The following TPR variants were observed in gnomAD, a reference collection of about 807,000 sequenced individuals.
TPR encodes the protein nucleoprotein TPR.
Under a neutral mutation model 316.1 loss-of-function variants are expected in TPR, and 51 were observed. The ratio of observed to expected loss-of-function variants is 0.16; its 90% CI spans 0.13 to 0.20. The LOEUF is 0.20. Ranked by LOEUF, TPR falls within the 10% of genes least tolerant of loss-of-function variation. The pLI is 1.00. For synonymous variants in TPR, 981 were observed against 914.7 expected (o/e 1.07, Z -1.31); for missense variants, 2,272 against 2,754.8 (o/e 0.82, Z 3.92).
In TPR at chr1:186,341,064, T is replaced by C; in HGVS notation, c.3984A>G (p.Leu1328=). The C allele has an allele frequency of 6.2e-7, 1 of 1,614,144 alleles. No homozygotes were observed. The part of the protein sequence containing the change: ...SGMLQAEKKL[L]EEDVKRWKAR... ...CTTTCCAACGTTTGACATCCTCTTC[T>C]AAGAGCTTCTTCTCTGCCTGCAACA... The change falls in exon 29 of 51, where the codon TTA becomes TTG. Residue 1328 remains leucine, a synonymous_variant. Coordinates refer to ENST00000367478, the MANE Select transcript of TPR (RefSeq NM_003292.3).
In TPR at chr1:186,341,329, C is replaced by T. The variant is rs1358704314; in HGVS notation, c.3811G>A (p.Val1271Ile). ...ELMKKTETMN[V>I]VMETNKMLRE... is the part of the protein sequence containing the mutation. ...AGCATTTTATTGGTCTCCATAACTA[C>T]ATTCATTGTTTCAGTTTTCTTCATC... The change falls in exon 28 of 51, where the codon GTA (valine) becomes ATA (isoleucine). Residue 1271 changes from valine (V) to isoleucine (I), a missense_variant. Val to Ile is a conservative substitution (Grantham distance 29, BLOSUM62 3). Transcript: ENST00000367478. 3.1e-6 allele frequency: 5 copies of T among 1,613,784 alleles called. No individual in the cohort carries two copies. Among genetic ancestry groups the T allele is most frequent in the Admixed American group, 1.7e-5 (1 of 60,002 alleles).
At chr1:186,351,893 C>A in intron 19 of TPR, 83 bp downstream of exon 19, 1 of 1,468,618 alleles carries the variant, frequency 6.8e-7, no homozygotes, top group South Asian at 1.3e-5. Flanking sequence ...GATAAATTTT[C>A]TAATTAAGGA....
chr1:186,363,685 G>C (rs1469520696), intron 4 of TPR, among the ~76,000 whole-genome samples: 1 of 151,860 alleles, frequency 6.6e-6, no homozygotes, highest in East Asian at 1.9e-4. Flanking sequence ...ACCAATCCAG[G>C]CAGCCCAGAA....
chr1:186,314,345 G>C, intron 50 of TPR: 1 of 380,742 alleles, frequency 2.6e-6, no homozygotes, highest in Non-Finnish European at 4.7e-6. Context: ...TACAACAAAT[G>C]AATATAACAC....
chr1:186,337,817 T>A (rs577660539), intron 31 of TPR, among the ~76,000 whole-genome samples: 1 of 152,046 alleles, frequency 6.6e-6, no homozygotes, highest in Non-Finnish European at 1.5e-5. Flanking sequence ...TGGAGAGTAT[T>A]TGAAAGGTGA....
intron 45 of TPR, among the ~76,000 whole-genome samples, chr1:186,321,851 A>G (rs181647260): frequency 1.7e-4 from 26 of 152,314 alleles, no homozygotes; most frequent in Admixed American, 1.4e-3. Flanking sequence ...ACACTTAATC[A>G]ACAACTATAA....
Position 186,362,017 on chromosome 1 carries a change from T to A in TPR, c.790-148A>T, listed in dbSNP as rs866667142. The A allele has an allele frequency of 6.3e-5, 45 of 710,298 alleles. No homozygotes were observed. The South Asian group carries it at 1.0e-3, about 17-fold the overall frequency. The allele number at this position is 710,298 out of a possible 1,614,324, so 44.0% of individuals were successfully genotyped here. On this transcript the variant is annotated intron_variant, in intron 7 of 50. Coordinates refer to ENST00000367478, the MANE Select transcript of TPR (RefSeq NM_003292.3). ...AATCAGTCTTCATGACAAAGATAAA[T>A]TAAGGATAAAATATTACTAATATTT... is the stretch of plus-strand genomic sequence containing the variant.
At chr1:186,364,126 C>T (rs1659268260) in intron 4 of TPR, among the ~76,000 whole-genome samples, 1 of 152,022 alleles carries the variant, frequency 6.6e-6, no homozygotes, top group African/African-American at 2.4e-5. Context: ...AGTGCAATAC[C>T]ATAAAACTTG....
At position 186,345,547 on chromosome 1, in the gene TPR, G is replaced by A. The variant is rs150731166; in HGVS notation, c.3213+33C>T. 115 of 1,474,678 alleles carry A rather than the reference G, an allele frequency of 7.8e-5. No individual in the cohort carries two copies. In the African/African-American group the frequency reaches 1.3e-3, roughly 17 times the overall value. 91.3% of individuals were successfully genotyped at this position (1,474,678 alleles called of 1,614,324 possible). A position where few individuals can be genotyped will look rare whatever the true frequency, so the allele number is the denominator to read the frequency against. On this transcript the variant is annotated intron_variant, in intron 24 of 50. Coordinates refer to ENST00000367478, the MANE Select transcript of TPR (RefSeq NM_003292.3). ...ACTTCAAGAATCATTCTCTAGGATC[G>A]AAGCTCATTTCTCAATAATTGGCTA...
At chr1:186,339,975 A>G (rs997391822) in intron 29 of TPR, among the ~76,000 whole-genome samples, 2 of 152,230 alleles carry the variant, frequency 1.3e-5, no homozygotes, top group Non-Finnish European at 2.9e-5. Flanking sequence ...GAGGAAAAAA[A>G]AATAAAATGT....
At position 186,347,410 on chromosome 1, in the gene TPR, C is replaced by A; in HGVS notation, c.2825G>T (p.Arg942Ile). 6.8e-6 allele frequency: 11 copies of A among 1,613,972 alleles called. No homozygotes were observed. The highest frequency in any genetic ancestry group is 8.5e-6 in the Non-Finnish European group (10 of 1,179,962). ...GTCATTCACCTGCTCTTCTGTCTGT[C>A]TTAGCTGACTCACAAGATCATCCAC... ...EDVDDLVSQL[R>I]QTEEQVNDLK... is the part of the protein sequence containing the mutation. The change falls in exon 22 of 51, where the codon AGA becomes ATA. Residue 942 changes from arginine to isoleucine, a missense_variant. By Grantham distance (97) the Arg-to-Ile change is moderately conservative. Transcript: ENST00000367478.
intron 22 of TPR, 38 bp downstream of exon 22, chr1:186,347,254 G>A: frequency 1.2e-6 from 2 of 1,603,022 alleles, no homozygotes; most frequent in Non-Finnish European, 1.7e-6. Context: ...GTTAACAAAT[G>A]TGTTGAGATT....
In TPR at chr1:186,312,313, C is replaced by T. The variant is rs1476098760; in HGVS notation, c.*1658G>A. 1 of 1,612,274 alleles carries T rather than the reference C, an allele frequency of 6.2e-7. No individual in the cohort carries two copies. Among genetic ancestry groups the T allele is most frequent in the South Asian group, 1.1e-5 (1 of 90,638 alleles). ...CGCTTTGAACGTGCTATAGGACCTTCTCAAACACACACCATCAGAATTCAA... is the reference window on the plus strand; with the variant it reads ...CGCTTTGAACGTGCTATAGGACCTTTTCAAACACACACCATCAGAATTCAA... On this transcript the variant is annotated 3_prime_UTR_variant, in exon 51 of 51. Transcript: ENST00000367478.
Position 186,344,575 on chromosome 1 carries a change from T to C in TPR, c.3217A>G (p.Lys1073Glu). Residue 1073 changes from lysine (K) to glutamate (E), a missense_variant, in exon 25 of 51, where the codon AAA becomes GAA. Coordinates refer to ENST00000367478, the MANE Select transcript of TPR (RefSeq NM_003292.3). Reference protein sequence around the residue: ...QARRDCQEQAKIAVEAQNKYE... With the variant: ...QARRDCQEQAEIAVEAQNKYE... Reference sequence around the variant, plus strand: ...TTATTCTGAGCTTCCACAGCTATTTTAGCCTATAAGAAATTATTACCCAAT... The same window carrying C: ...TTATTCTGAGCTTCCACAGCTATTTCAGCCTATAAGAAATTATTACCCAAT... 1 of 1,527,706 alleles carries C rather than the reference T, an allele frequency of 6.5e-7. No individual in the cohort carries two copies. The highest frequency in any genetic ancestry group is 8.8e-7 in the Non-Finnish European group (1 of 1,140,414). The allele number at this position is 1,527,706 out of a possible 1,614,324, so 94.6% of individuals were successfully genotyped here.
At position 186,325,825 on chromosome 1, in the gene TPR, T is replaced by C; in HGVS notation, c.6051A>G (p.Glu2017=). The C allele has an allele frequency of 1.2e-6, 2 of 1,613,740 alleles. No individual in the cohort carries two copies. The highest frequency in any genetic ancestry group is 8.5e-7 in the Non-Finnish European group (1 of 1,179,776). Residue 2017 remains glutamate, a synonymous_variant, in exon 42 of 51, where the codon GAA becomes GAG. Coordinates refer to ENST00000367478, the MANE Select transcript of TPR (RefSeq NM_003292.3). ...CACCTCCACCCATACTTTCTTCTGTTTCTGTACCTGGATCAGTCCCATCAC... is the reference window on the plus strand; with the variant it reads ...CACCTCCACCCATACTTTCTTCTGTCTCTGTACCTGGATCAGTCCCATCAC... ...EGGDGTDPGT[E]TEESMGGGEG... is the part of the protein sequence containing the mutation.
intron 5 of TPR, 33 bp from the exon 6 acceptor site, chr1:186,363,034 T>G (rs377353309): frequency 7.7e-6 from 12 of 1,567,576 alleles, no homozygotes; most frequent in Middle Eastern, 1.7e-4. Context: ...CACGTACAGT[T>G]AAAGATGATA....
Position 186,335,103 on chromosome 1 carries a change from T to C in TPR, c.4938A>G (p.Thr1646=). 1 of 1,613,114 alleles carries C rather than the reference T, an allele frequency of 6.2e-7. No homozygotes were observed. Among genetic ancestry groups the C allele is most frequent in the Non-Finnish European group, 8.5e-7 (1 of 1,179,500 alleles). The part of the protein sequence containing the change: ...NKVPEQQRQI[T]LKTTPASGER... ...CACCAGAAGCTGGAGTTGTTTTCAA[T>C]GTGATCTGTCTCTGCTGTTCAGGGA... is the stretch of plus-strand genomic sequence containing the variant. Residue 1646 remains threonine (T), a synonymous_variant, in exon 35 of 51, where the codon ACA becomes ACG. Coordinates refer to ENST00000367478, the MANE Select transcript of TPR (RefSeq NM_003292.3).
At chr1:186,335,952 T>C (rs1658327591) in intron 33 of TPR, among the ~76,000 whole-genome samples, 1 of 152,126 alleles carries the variant, frequency 6.6e-6, no homozygotes, top group Non-Finnish European at 1.5e-5. Context: ...TTAGAGATCA[T>C]TTTAAAAAAA....
chr1:186,314,300 A>T (rs1194819780), intron 50 of TPR: 15 of 401,880 alleles, frequency 3.7e-5, no homozygotes, highest in Non-Finnish European at 6.2e-5. Flanking sequence ...CGTGTTGTAT[A>T]AAAAAATTAA....
Sources: gnomAD v4.1 joint callset for allele counts (sites outside exome capture counted in the v4.1 genomes callset) on GRCh38, gnomAD v4.1.1 for gene constraint, MANE v1.5 for transcripts, NCBI Gene and HGNC (gene_info 2026-07-23, HGNC 2026-07-21) for gene names.